PIK3CB: variants seen among roughly 807,000 people sequenced by gnomAD.
The protein encoded by PIK3CB is phosphatidylinositol-4,5-bisphosphate 3-kinase catalytic subunit beta, also known as phosphatidylinositol 4,5-bisphosphate 3-kinase catalytic subunit beta isoform.
A neutral mutation model predicts 136.8 loss-of-function variants in PIK3CB; 39 were observed. The ratio of observed to expected loss-of-function variants is 0.29; its 90% confidence interval spans 0.22 to 0.37. The LOEUF is 0.37. PIK3CB is among the 10% of genes least tolerant of loss of function. The pLI is 1.00. For synonymous variants in PIK3CB, 428 were observed against 436.6 expected (o/e 0.98, Z 0.25); for missense variants, 868 against 1,275.4 (o/e 0.68, Z 4.87).
intron 10 of PIK3CB, among the ~76,000 whole-genome samples, chr3:138,710,023 CAAAAAAAA>C (rs34985570): frequency 1.1e-5 from 1 of 91,950 alleles, no homozygotes; most frequent in African/African-American, 4.0e-5. Flanking sequence ...ACAAAAAATA[CAAAAAAAA>C]AAAAAAAAAA....
chr3:138,684,938 AAT>A (rs771136267), intron 16 of PIK3CB, 135 bp from the exon 17 acceptor site: 42 of 547,922 alleles, frequency 7.7e-5, no homozygotes, highest in Non-Finnish European at 1.2e-4. Flanking sequence ...CTGAAGTAAA[AAT>A]AGTGTCTGAC....
At chr3:138,713,222 A>G (rs931052953) in intron 9 of PIK3CB, among the ~76,000 whole-genome samples, 1 of 151,644 alleles carries the variant, frequency 6.6e-6, no homozygotes, top group African/African-American at 2.4e-5. Flanking sequence ...CATGTTGCCA[A>G]GATTGGTCTC....
intron 2 of PIK3CB, among the ~76,000 whole-genome samples, chr3:138,785,230 G>A (rs1406870619): frequency 2.0e-5 from 3 of 151,184 alleles, no homozygotes; most frequent in African/African-American, 7.3e-5. Context: ...CTGTCCCGGA[G>A]GGAGGCGGGG....
At chr3:138,776,256 T>C (rs2045857223) in intron 2 of PIK3CB, among the ~76,000 whole-genome samples, 2 of 152,138 alleles carry the variant, frequency 1.3e-5, no homozygotes, top group Admixed American at 1.3e-4. Flanking sequence ...ACCATTAGTA[T>C]AACAGTTAAT....
chr3:138,666,617 T>G (rs1559799938), intron 19 of PIK3CB, among the ~76,000 whole-genome samples: 1 of 152,218 alleles, frequency 6.6e-6, no homozygotes, highest in Non-Finnish European at 1.5e-5. Flanking sequence ...GTTGCAAATA[T>G]TTTCTCTAAT....
chr3:138,785,847 T>C (rs1204111197), intron 2 of PIK3CB, among the ~76,000 whole-genome samples: 3 of 136,158 alleles, frequency 2.2e-5, no homozygotes, highest in Non-Finnish European at 3.2e-5. Flanking sequence ...AAAAAGAAAA[T>C]GCTTATCTGA....
At chr3:138,698,156 T>C (rs2044176660) in intron 13 of PIK3CB, among the ~76,000 whole-genome samples, 1 of 152,216 alleles carries the variant, frequency 6.6e-6, no homozygotes, top group Admixed American at 6.5e-5. Context: ...CTGTATTTCT[T>C]CACTAAATTT....
Position 138,701,538 on chromosome 3 carries a change from G to A in PIK3CB, c.1582-2443C>T, listed in dbSNP as rs1313729276. Among the ~76,000 whole-genome samples the A allele has an allele frequency of 5.9e-5, 9 of 152,128 alleles. 1 individual carries two copies. The highest frequency in any genetic ancestry group is 3.3e-4 in the Admixed American group (5 of 15,272). On this transcript the variant is annotated intron_variant, in intron 12 of 23. Transcript: ENST00000674063. ...GTGGTGGCTGACGCCTGTAATCCCA[G>A]CACTTTGGGAGGCCGAGACGGGCAG... is the stretch of plus-strand genomic sequence containing the variant.
intron 8 of PIK3CB, among the ~76,000 whole-genome samples, chr3:138,721,224 AT>A (rs2044720325): frequency 2.6e-5 from 4 of 151,896 alleles, no homozygotes; most frequent in African/African-American, 4.8e-5. Context: ...GTGCAATGGC[AT>A]GATCTCGGCT....
intron 10 of PIK3CB, among the ~76,000 whole-genome samples, chr3:138,711,605 A>T (rs1464589641): frequency 6.8e-6 from 1 of 146,116 alleles, no homozygotes; most frequent in Non-Finnish European, 1.5e-5. Flanking sequence ...AAAAAAAAGA[A>T]GTTTAGTCTA....
At chr3:138,713,629 C>T (rs1031642844) in intron 9 of PIK3CB, among the ~76,000 whole-genome samples, 1 of 152,060 alleles carries the variant, frequency 6.6e-6, no homozygotes, top group African/African-American at 2.4e-5. Flanking sequence ...CGAGATCGTG[C>T]CATTGCACTC....
rs2043145737 is a variant in PIK3CB, at chr3:138,653,312, A to T, written c.*2077T>A. ...GGCTTCTTACTTTCTGGGTTTGAAT[A>T]CTGGCTCCATCAACTACTCTGTGAC... is the stretch of plus-strand genomic sequence containing the variant. On this transcript the variant is annotated 3_prime_UTR_variant, in exon 24 of 24. Transcript: ENST00000674063. 1 of 176,136 alleles carries T rather than the reference A, an allele frequency of 5.7e-6. No homozygotes were observed. The allele number at this position is 176,136 out of a possible 1,614,324, so 10.9% of individuals were successfully genotyped here. A position where few individuals can be genotyped will look rare whatever the true frequency, so the allele number is the denominator to read the frequency against.
chr3:138,788,656 C>CAAAAA (rs71146142), intron 2 of PIK3CB, among the ~76,000 whole-genome samples: 1 of 37,720 alleles, frequency 2.7e-5, no homozygotes, highest in Non-Finnish European at 4.4e-5. Flanking sequence ...GACTTTGTCT[C>CAAAAA]AAAAAAAAAA....
At chr3:138,708,271 T>C (rs1232460779) in intron 10 of PIK3CB, among the ~76,000 whole-genome samples, 2 of 144,122 alleles carry the variant, frequency 1.4e-5, no homozygotes, top group African/African-American at 2.6e-5. Context: ...TTCTTTTTTT[T>C]TTTTTTTTTT....
intron 22 of PIK3CB, chr3:138,657,237 T>C (rs1476637658): frequency 6.4e-6 from 1 of 155,880 alleles, no homozygotes; most frequent in African/African-American, 2.4e-5. Flanking sequence ...TAATTTCATA[T>C]TTTTGTCCCC....
At chr3:138,771,227 T>TG in intron 2 of PIK3CB, among the ~76,000 whole-genome samples, 1 of 150,222 alleles carries the variant, frequency 6.7e-6, no homozygotes, top group South Asian at 2.1e-4. Flanking sequence ...TTTTGCCTTT[T>TG]TTTTTTTTTT....
At chr3:138,704,149 T>C (rs2044314824) in intron 12 of PIK3CB, among the ~76,000 whole-genome samples, 8 of 152,180 alleles carry the variant, frequency 5.3e-5, no homozygotes, top group Admixed American at 5.2e-4. Flanking sequence ...CTCATTAAAC[T>C]AAATAATATT....
At position 138,830,893 on chromosome 3, in the gene PIK3CB, C is replaced by T. The variant is rs1289541919; in HGVS notation, c.-122+3802G>A. ...CTCTAGCCTGGGCAACAGAGCGAAA[C>T]TCCGTCTCAAAATAATAATAATAAT... On this transcript the variant is annotated intron_variant, in intron 1 of 23. Transcript: ENST00000674063. 3.6e-5 allele frequency among the ~76,000 whole-genome samples: 5 copies of T among 140,624 alleles called. No individual in the cohort carries two copies. In the East Asian group the frequency reaches 1.0e-3, roughly 29 times the overall value. The allele number at this position is 140,624 out of a possible 152,430, so 92.3% of individuals were successfully genotyped here.
At position 138,830,903 on chromosome 3, in the gene PIK3CB, A is replaced by AAACAAT. The variant is rs1933998809; in HGVS notation, c.-122+3791_-122+3792insATTGTT. ...GGCAACAGAGCGAAACTCCGTCTCA[A>AAACAAT]AATAATAATAATAATAATAATAATA... is the stretch of plus-strand genomic sequence containing the variant. On this transcript the variant is annotated intron_variant, in intron 1 of 23. Coordinates refer to ENST00000674063, the MANE Select transcript of PIK3CB (RefSeq NM_006219.3). 2.9e-5 allele frequency among the ~76,000 whole-genome samples: 4 copies of AAACAAT among 136,970 alleles called. No homozygotes were observed. The South Asian group carries it at 9.4e-4, about 32-fold the overall frequency. 89.9% of individuals were successfully genotyped at this position (136,970 alleles called of 152,430 possible).
Sources: gnomAD v4.1 joint callset for allele counts (sites outside exome capture counted in the v4.1 genomes callset) on GRCh38, gnomAD v4.1.1 for gene constraint, MANE v1.5 for transcripts, NCBI Gene and HGNC (gene_info 2026-07-23, HGNC 2026-07-21) for gene names.